The following SNX29 variants were observed in gnomAD, a reference collection of about 807,000 sequenced individuals.
SNX29 encodes the protein sorting nexin 29, also known as sorting nexin-29.
SNX29 carries 78 observed loss-of-function variants against 102.1 expected under a neutral mutation model. The observed-to-expected ratio is 0.76, with a 90% CI of 0.64 to 0.92. The LOEUF is 0.92. SNX29 is among the 40% of genes least tolerant of loss of function. The pLI is 0.00. For missense variants in SNX29, 1,280 were observed against 1,061.7 expected (o/e 1.21, Z -2.86); for synonymous variants, 580 against 414.5 (o/e 1.40, Z -4.85).
intron 11 of SNX29, among the ~76,000 whole-genome samples, chr16:12,124,038 T>C (rs2054097190): frequency 6.6e-6 from 1 of 152,130 alleles, no homozygotes; most frequent in Non-Finnish European, 1.5e-5. Context: ...AGGGACATGA[T>C]ATTCAAAGGT....
intron 3 of SNX29, among the ~76,000 whole-genome samples, chr16:12,005,907 G>A (rs555604742): frequency 6.6e-6 from 1 of 152,244 alleles, no homozygotes; most frequent in Non-Finnish European, 1.5e-5. Flanking sequence ...TTTGGATAAG[G>A]AATACTGAAC....
chr16:12,091,957 G>A (rs1051156430), intron 11 of SNX29, among the ~76,000 whole-genome samples: 7 of 152,132 alleles, frequency 4.6e-5, no homozygotes, highest in African/African-American at 1.4e-4. Context: ...AGTCCCTGTC[G>A]TTCACAGTGC....
intron 15 of SNX29, among the ~76,000 whole-genome samples, chr16:12,317,125 A>G (rs1054369895): frequency 3.3e-5 from 5 of 152,106 alleles, no homozygotes; most frequent in African/African-American, 1.2e-4. Context: ...CCACTTTCCT[A>G]TTGTACAGGC....
chr16:12,034,002 C>T (rs187537721), intron 4 of SNX29, among the ~76,000 whole-genome samples: 27 of 152,206 alleles, frequency 1.8e-4, no homozygotes, highest in Middle Eastern at 3.4e-3. Flanking sequence ...ACATGCTGCT[C>T]ATTTTCCCAG....
chr16:12,205,459 C>G (rs949384231), intron 14 of SNX29, among the ~76,000 whole-genome samples: 1 of 152,178 alleles, frequency 6.6e-6, no homozygotes, highest in Non-Finnish European at 1.5e-5. Flanking sequence ...CTGGCTCTTC[C>G]CTAAGTTCCA....
chr16:12,249,669 G>C (rs919832778), intron 14 of SNX29, among the ~76,000 whole-genome samples: 2 of 152,222 alleles, frequency 1.3e-5, no homozygotes, highest in African/African-American at 2.4e-5. Flanking sequence ...CTGTGTCTCT[G>C]TTTTTCTCAT....
At chr16:12,434,377 A>G (rs1437190081) in intron 18 of SNX29, among the ~76,000 whole-genome samples, 5 of 152,110 alleles carry the variant, frequency 3.3e-5, no homozygotes, top group African/African-American at 7.2e-5. Flanking sequence ...GGCCCTGGGG[A>G]CAGGCCTGTA....
chr16:12,437,035 A>G (rs1399988557), intron 18 of SNX29, among the ~76,000 whole-genome samples: 1 of 152,232 alleles, frequency 6.6e-6, no homozygotes, highest in Non-Finnish European at 1.5e-5. Context: ...AATACATGAA[A>G]GGAAAGTAGC....
chr16:12,548,828 C>T (rs1211663518), intron 20 of SNX29, among the ~76,000 whole-genome samples: 1 of 152,214 alleles, frequency 6.6e-6, no homozygotes, highest in East Asian at 1.9e-4. Flanking sequence ...GCAGGCCCAG[C>T]CCTGTCTAGC....
chr16:12,283,128 C>G (rs564662066), intron 15 of SNX29, among the ~76,000 whole-genome samples: 24 of 152,226 alleles, frequency 1.6e-4, no homozygotes, highest in African/African-American at 5.5e-4. Flanking sequence ...GGTGCCAACT[C>G]AATTTGTGCA....
chr16:12,038,404 GCTCTT>G (rs2057535310), intron 4 of SNX29, among the ~76,000 whole-genome samples: 1 of 152,172 alleles, frequency 6.6e-6, no homozygotes. Context: ...CCCCGGGGCA[GCTCTT>G]CTCAACACCC....
Position 12,499,643 on chromosome 16 carries a change from C to G in SNX29, c.2178+21784C>G, listed in dbSNP as rs1007249669. Among the ~76,000 whole-genome samples the G allele has an allele frequency of 2.6e-5, 4 of 152,304 alleles. No homozygotes were observed. In the East Asian group the frequency reaches 7.7e-4, roughly 29 times the overall value. ...CCCCAGACCCGGTGAATTAGAATCTCTACAGTGAAACCCCACAATCTGCAT... is the reference window on the plus strand; with the variant it reads ...CCCCAGACCCGGTGAATTAGAATCTGTACAGTGAAACCCCACAATCTGCAT... On this transcript the variant is annotated intron_variant, in intron 19 of 20. Transcript: ENST00000566228.
chr16:12,411,794 T>C (rs1416535573), intron 18 of SNX29, among the ~76,000 whole-genome samples: 2 of 152,208 alleles, frequency 1.3e-5, no homozygotes, highest in African/African-American at 4.8e-5. Context: ...CCTTGCAGCA[T>C]GGATGTGACC....
At position 12,088,155 on chromosome 16, in the gene SNX29, C is replaced by T. The variant is rs532634654; in HGVS notation, c.1402+9240C>T. ...CCAGCTCAGTCTCTGCAGCAGGCCT[C>T]ACAGTGTCACTGTTTGGGCCAGGCA... is the stretch of plus-strand genomic sequence containing the variant. On this transcript the variant is annotated intron_variant, in intron 11 of 20. Coordinates refer to ENST00000566228, the MANE Select transcript of SNX29 (RefSeq NM_032167.5). The T allele has an allele frequency of 8.8e-6, 4 of 456,356 alleles. No homozygotes were observed. In the Admixed American group the frequency reaches 9.4e-5, roughly 11 times the overall value. 28.3% of individuals were successfully genotyped at this position (456,356 alleles called of 1,614,324 possible). A position where few individuals can be genotyped will look rare whatever the true frequency, so the allele number is the denominator to read the frequency against.
chr16:12,527,272 G>A (rs753980372), intron 20 of SNX29: 50 of 531,894 alleles, frequency 9.4e-5, no homozygotes, highest in Non-Finnish European at 1.4e-4. Flanking sequence ...CCATGTGATC[G>A]TGTCCTTTCT....
At chr16:12,198,178 G>T (rs774983208) in intron 13 of SNX29, among the ~76,000 whole-genome samples, 11 of 152,156 alleles carry the variant, frequency 7.2e-5, no homozygotes, top group South Asian at 2.1e-4. Flanking sequence ...AGGAAGGCCT[G>T]AAAGGTATAT....
intron 10 of SNX29, among the ~76,000 whole-genome samples, chr16:12,069,662 G>C (rs2051199177): frequency 6.6e-6 from 1 of 152,086 alleles, no homozygotes; most frequent in Non-Finnish European, 1.5e-5. Context: ...AACACCTTTT[G>C]GGGCATATCT....
intron 16 of SNX29, among the ~76,000 whole-genome samples, chr16:12,366,626 G>T (rs370358982): frequency 2.0e-5 from 3 of 152,174 alleles, no homozygotes; most frequent in Non-Finnish European, 4.4e-5. Flanking sequence ...GTCTAGAACA[G>T]CACTGCCTTT....
In SNX29 at chr16:12,277,871, T is replaced by C; in HGVS notation, c.1679-62T>C. On this transcript the variant is annotated intron_variant, in intron 14 of 20. Coordinates refer to ENST00000566228, the MANE Select transcript of SNX29 (RefSeq NM_032167.5). ...GAGAAAGAAGAATTTTTTCTTTTTT[T>C]ACTGGGAGAATAATTTTCGATACTG... 2.1e-6 allele frequency: 3 copies of C among 1,453,156 alleles called. No homozygotes were observed. The South Asian group carries it at 3.7e-5, about 18-fold the overall frequency. 90.0% of individuals were successfully genotyped at this position (1,453,156 alleles called of 1,614,324 possible). A position where few individuals can be genotyped will look rare whatever the true frequency, so the allele number is the denominator to read the frequency against.
Sources: allele counts gnomAD v4.1 joint callset (sites outside exome capture counted in the v4.1 genomes callset), GRCh38; gene constraint gnomAD v4.1.1; transcripts MANE v1.5; gene names NCBI Gene and HGNC (gene_info 2026-07-23, HGNC 2026-07-21).